The following HLF variants were observed in gnomAD, a reference collection of about 807,000 sequenced individuals.
HLF encodes HLF transcription factor, PAR bZIP family member.
Under a neutral mutation model 22.6 loss-of-function variants are expected in HLF, and 3 were observed. The ratio of observed to expected loss-of-function variants is 0.13; its 90% CI spans 0.06 to 0.34. The LOEUF (loss-of-function observed/expected upper bound fraction) is 0.34. HLF is among the 10% of genes least tolerant of loss of function. The pLI, the probability that HLF is intolerant of heterozygous loss-of-function variation, is 1.00. For synonymous variants in HLF, 151 were observed against 151.8 expected, an observed-to-expected ratio of 0.99 and a Z score of 0.04; for missense variants, 299 against 389.2, an observed-to-expected ratio of 0.77 and a Z score of 1.95.
chr17:55,278,433 G>A (rs2080925128), intron 2 of HLF, among the ~76,000 whole-genome samples: 2 of 152,204 alleles, frequency 1.3e-5, no homozygotes, highest in Admixed American at 6.5e-5. Context: ...GGACAGTAGA[G>A]CAGGAAAGTC....
At chr17:55,307,023 T>C (rs1335794532) in intron 2 of HLF, among the ~76,000 whole-genome samples, 3 of 151,842 alleles carry the variant, frequency 2.0e-5, no homozygotes, top group African/African-American at 4.8e-5. Flanking sequence ...CTTGATTTGG[T>C]AAAACAGCCA....
In HLF at chr17:55,265,478, C is replaced by G. The variant is rs763584043; in HGVS notation, c.-7C>G. 1.3e-6 allele frequency: 2 copies of G among 1,532,634 alleles called. No homozygotes were observed. The highest frequency in any genetic ancestry group is 1.7e-5 in the Admixed American group (1 of 59,494). 94.9% of individuals were successfully genotyped at this position (1,532,634 alleles called of 1,614,324 possible). On this transcript the variant is annotated 5_prime_UTR_variant, in exon 1 of 4. Coordinates refer to ENST00000226067, the MANE Select transcript of HLF (RefSeq NM_002126.5). ...TTTTTAAGGGGAAAAAATTTGAGTGCATCGCGATGGAGAAAATGTCCCGAC... is the reference window on the plus strand; with the variant it reads ...TTTTTAAGGGGAAAAAATTTGAGTGGATCGCGATGGAGAAAATGTCCCGAC...
intron 2 of HLF, among the ~76,000 whole-genome samples, chr17:55,307,147 CTTTTTTTT>C (rs35828509): frequency 1.4e-5 from 1 of 70,124 alleles, no homozygotes; most frequent in Non-Finnish European, 2.5e-5. Flanking sequence ...TCTCAGCGGC[CTTTTTTTT>C]TTTTTTTTTT....
At chr17:55,278,858 C>T (rs2080929082) in intron 2 of HLF, among the ~76,000 whole-genome samples, 2 of 152,012 alleles carry the variant, frequency 1.3e-5, no homozygotes, top group African/African-American at 4.8e-5. Context: ...CCAATTAGTA[C>T]TGGATCAAAA....
chr17:55,269,413 TC>T (rs1319443823), intron 2 of HLF, among the ~76,000 whole-genome samples: 9 of 152,180 alleles, frequency 5.9e-5, no homozygotes, highest in Non-Finnish European at 1.2e-4. Context: ...ACCACTATCT[TC>T]AATTTTTTTG....
At chr17:55,280,723 C>T (rs2080946165) in intron 2 of HLF, among the ~76,000 whole-genome samples, 1 of 152,068 alleles carries the variant, frequency 6.6e-6, no homozygotes, top group Admixed American at 6.5e-5. Context: ...TCACAAAACT[C>T]CCTGGCCTTC....
At chr17:55,314,157 A>G (rs1377162574) in intron 2 of HLF, among the ~76,000 whole-genome samples, 1 of 152,188 alleles carries the variant, frequency 6.6e-6, no homozygotes, top group Non-Finnish European at 1.5e-5. Context: ...AGCTCCCAGT[A>G]TAAACATTTG....
rs557771024 is a variant in HLF at position 55,265,088 on chromosome 17, C to T, written c.-397C>T. The T allele has an allele frequency of 1.1e-5, 2 of 189,310 alleles. No homozygotes were observed. Among genetic ancestry groups the T allele is most frequent in the African/African-American group, 2.3e-5 (1 of 42,738 alleles). The allele number at this position is 189,310 out of a possible 1,614,324, so 11.7% of individuals were successfully genotyped here. A position where few individuals can be genotyped will look rare whatever the true frequency, so the allele number is the denominator to read the frequency against. ...GTGGGGTGGGACGGCGCACCGCCTC[C>T]GGTGCTGGCACTAGGGGCTGGGGTC... is the stretch of plus-strand genomic sequence containing the variant. On this transcript the variant is annotated 5_prime_UTR_variant, in exon 1 of 4. Coordinates refer to ENST00000226067, the MANE Select transcript of HLF (RefSeq NM_002126.5).
chr17:55,291,865 G>A (rs1034619008), intron 2 of HLF, among the ~76,000 whole-genome samples: 11 of 152,184 alleles, frequency 7.2e-5, no homozygotes, highest in African/African-American at 1.4e-4. Flanking sequence ...GAAGTTAGTA[G>A]GAGTTGATTG....
chr17:55,268,761 T>C lies in HLF; in HGVS notation c.451+675T>C, dbSNP rs191989645. 3.7e-3 allele frequency among the ~76,000 whole-genome samples: 561 copies of C among 152,118 alleles called. 8 individuals carry two copies. Among genetic ancestry groups the C allele is most frequent in the African/African-American group, 0.013 (540 of 41,448 alleles). Reference sequence around the variant, plus strand: ...TCTTTTTTTTTTTTTCATTTTCATCTGTCTATCACACTCAGTCCACCTGTA... The same window carrying C: ...TCTTTTTTTTTTTTTCATTTTCATCCGTCTATCACACTCAGTCCACCTGTA... On this transcript the variant is annotated intron_variant, in intron 2 of 3. Coordinates refer to ENST00000226067, the MANE Select transcript of HLF (RefSeq NM_002126.5).
At position 55,321,163 on chromosome 17, in the gene HLF, T is replaced by C. The variant is rs1905249815; in HGVS notation, c.*284T>C. 2 of 377,404 alleles carry C rather than the reference T, an allele frequency of 5.3e-6. No individual in the cohort carries two copies. Among genetic ancestry groups the C allele is most frequent in the African/African-American group, 4.0e-5 (2 of 49,888 alleles). The allele number at this position is 377,404 out of a possible 1,614,324, so 23.4% of individuals were successfully genotyped here. A position where few individuals can be genotyped will look rare whatever the true frequency, so the allele number is the denominator to read the frequency against. ...ACAAAGAAAGGTGCCATGTCTTTACTAGACTGAGGAGCCCTCTCGCGGGTC... is the reference window on the plus strand; with the variant it reads ...ACAAAGAAAGGTGCCATGTCTTTACCAGACTGAGGAGCCCTCTCGCGGGTC... On this transcript the variant is annotated 3_prime_UTR_variant, in exon 4 of 4. Coordinates refer to ENST00000226067, the MANE Select transcript of HLF (RefSeq NM_002126.5).
chr17:55,303,495 G>A (rs184265630), intron 2 of HLF, among the ~76,000 whole-genome samples: 40 of 152,306 alleles, frequency 2.6e-4, no homozygotes, highest in Admixed American at 1.3e-3. Context: ...TTGTTACCAG[G>A]TGATAGGGCT....
chr17:55,313,712 C>T (rs77066372), intron 2 of HLF, among the ~76,000 whole-genome samples: 1,654 of 152,244 alleles, frequency 0.011, 68 homozygotes, highest in Admixed American at 0.076. Flanking sequence ...TGACACCATC[C>T]AGTACAGAAC....
At chr17:55,317,922 C>A (rs1008279721) in intron 3 of HLF, among the ~76,000 whole-genome samples, 1 of 152,162 alleles carries the variant, frequency 6.6e-6, no homozygotes, top group Non-Finnish European at 1.5e-5. Context: ...TTTTTAAATG[C>A]TTTTAATGGT....
Position 55,320,592 on chromosome 17 carries a change from G to A in HLF, c.673-72G>A. 1.4e-6 allele frequency: 2 copies of A among 1,395,822 alleles called. No homozygotes were observed. Among genetic ancestry groups the A allele is most frequent in the Non-Finnish European group, 2.0e-6 (2 of 1,003,238 alleles). 86.5% of individuals were successfully genotyped at this position (1,395,822 alleles called of 1,614,324 possible). A position where few individuals can be genotyped will look rare whatever the true frequency, so the allele number is the denominator to read the frequency against. ...CTGCACAATCCTGGAGCCTGCCCGT[G>A]CCCTGGCTGGCACTGGGCTTTGCTG... On this transcript the variant is annotated intron_variant, in intron 3 of 3. Transcript: ENST00000226067. The surrounding 1 kb of genome is among the most constrained non-coding windows in gnomAD (Gnocchi z 4.2).
chr17:55,277,462 CATT>C (rs147376150), intron 2 of HLF, among the ~76,000 whole-genome samples: 424 of 152,036 alleles, frequency 2.8e-3, no homozygotes, highest in Non-Finnish European at 4.9e-3. Flanking sequence ...ACAAAGGAGT[CATT>C]ATTACAGTTT....
intron 1 of HLF, chr17:55,265,976 C>T: frequency 2.2e-6 from 1 of 446,258 alleles, no homozygotes; most frequent in South Asian, 9.1e-5. Context: ...GGAGGAGAAA[C>T]CCTGGGGCCT....
At position 55,323,603 on chromosome 17, in the gene HLF, T is replaced by C. The variant is rs1905340515; in HGVS notation, c.*2724T>C. The C allele has an allele frequency of 4.4e-6, 1 of 227,080 alleles. No individual in the cohort carries two copies. The highest frequency in any genetic ancestry group is 2.2e-5 in the African/African-American group (1 of 44,968). The allele number at this position is 227,080 out of a possible 1,614,324, so 14.1% of individuals were successfully genotyped here. A position where few individuals can be genotyped will look rare whatever the true frequency, so the allele number is the denominator to read the frequency against. ...TTACAAATTTAAACACTTTGGAGTC[T>C]GTACAGGTGCCTTATATGTAGGTCA... On this transcript the variant is annotated 3_prime_UTR_variant, in exon 4 of 4. Coordinates refer to ENST00000226067, the MANE Select transcript of HLF (RefSeq NM_002126.5).
intron 2 of HLF, among the ~76,000 whole-genome samples, chr17:55,277,281 G>GCA (rs1230168864): frequency 1.4e-5 from 2 of 146,058 alleles, no homozygotes; most frequent in African/African-American, 2.5e-5. Context: ...GTGTGCGCGC[G>GCA]CATGTGTACG....
Sources: allele counts gnomAD v4.1 joint callset (sites outside exome capture counted in the v4.1 genomes callset), GRCh38; gene constraint gnomAD v4.1.1; non-coding constraint Gnocchi (gnomAD v3.1); transcripts MANE v1.5; gene names NCBI Gene and HGNC (gene_info 2026-07-23, HGNC 2026-07-21).